PPP1R9A: variants seen among roughly 807,000 people sequenced by gnomAD.
PPP1R9A encodes protein phosphatase 1 regulatory subunit 9A.
PPP1R9A carries 59 observed loss-of-function variants against 141.9 expected under a neutral mutation model. The observed-to-expected ratio is 0.42, with a 90% confidence interval of 0.34 to 0.52. The LOEUF is 0.52. Ranked by LOEUF, PPP1R9A falls within the 20% of genes least tolerant of loss-of-function variation. The pLI, the probability that PPP1R9A is intolerant of heterozygous loss-of-function variation, is 0.10. For missense variants in PPP1R9A, 1,444 were observed against 1,611.9 expected, an observed-to-expected ratio of 0.90 and a Z score of 1.78; for synonymous variants, 500 against 569.7, an observed-to-expected ratio of 0.88 and a Z score of 1.74.
rs1419560027 is a variant in PPP1R9A, at chr7:95,284,098, CT to C, written c.3380del (p.Phe1127SerfsTer31). The C allele has an allele frequency of 1.3e-6, 2 of 1,595,140 alleles. No homozygotes were observed. Among genetic ancestry groups the C allele is most frequent in the Non-Finnish European group, 1.7e-6 (2 of 1,175,994 alleles). On this transcript the variant is annotated frameshift_variant, in exon 17 of 20. Transcript: ENST00000433360. LOFTEE classifies it high-confidence loss of function. Reference protein sequence around the residue: ...AQTSTRSPCMPFSWFNDSRKG... With the variant: ...AQTSTRSPCMXFSWFNDSRKG... The stretch of plus-strand genomic sequence containing the variant: ...ACCTCCACTCGTTCCCCTTGCATGC[CT>C]TTCTCATGGTTTAATGACAGCCGGA...
At chr7:95,013,766 T>A (rs951509753) in intron 2 of PPP1R9A, among the ~76,000 whole-genome samples, 2 of 152,258 alleles carry the variant, frequency 1.3e-5, no homozygotes, top group Non-Finnish European at 2.9e-5. Flanking sequence ...AAGGTAGAAG[T>A]GATTTAAAAA....
At chr7:95,168,039 A>C (rs970241524) in intron 5 of PPP1R9A, among the ~76,000 whole-genome samples, 4 of 152,146 alleles carry the variant, frequency 2.6e-5, no homozygotes, top group Non-Finnish European at 5.9e-5. Flanking sequence ...GAAATAGAAA[A>C]AAGATCCTAA....
At chr7:95,144,775 A>C (rs887187776) in intron 4 of PPP1R9A, among the ~76,000 whole-genome samples, 15 of 152,214 alleles carry the variant, frequency 9.9e-5, no homozygotes, top group African/African-American at 3.6e-4. Context: ...CCAGACGGGA[A>C]GGGAAGAAGG....
chr7:94,982,307 T>C (rs944749283), intron 2 of PPP1R9A, among the ~76,000 whole-genome samples: 3 of 152,134 alleles, frequency 2.0e-5, no homozygotes, highest in African/African-American at 7.2e-5. Flanking sequence ...GTCTTTATAG[T>C]AGTATGATTT....
intron 2 of PPP1R9A, among the ~76,000 whole-genome samples, chr7:95,073,748 G>GT (rs1554493742): frequency 7.1e-6 from 1 of 140,208 alleles, no homozygotes; most frequent in Non-Finnish European, 1.5e-5. Context: ...AATAAATACT[G>GT]TTTTTTTGCT....
chr7:95,232,117 C>T (rs1444659992), intron 8 of PPP1R9A, among the ~76,000 whole-genome samples: 1 of 152,010 alleles, frequency 6.6e-6, no homozygotes, highest in African/African-American at 2.4e-5. Context: ...AAAACCTTTA[C>T]ACGCATAAAC....
chr7:94,912,999 G>A (rs1053392590), intron 2 of PPP1R9A, among the ~76,000 whole-genome samples: 26 of 151,970 alleles, frequency 1.7e-4, no homozygotes, highest in Non-Finnish European at 3.4e-4. Flanking sequence ...CATCCCCCTT[G>A]AACATCATCT....
At chr7:95,282,398 C>T (rs531677761) in intron 16 of PPP1R9A, among the ~76,000 whole-genome samples, 1 of 152,268 alleles carries the variant, frequency 6.6e-6, no homozygotes, top group African/African-American at 2.4e-5. Flanking sequence ...AGATTGACCT[C>T]TGCAGAGGTA....
At chr7:95,242,085 C>T (rs1282519180) in intron 8 of PPP1R9A, among the ~76,000 whole-genome samples, 4 of 152,132 alleles carry the variant, frequency 2.6e-5, no homozygotes, top group African/African-American at 9.7e-5. Flanking sequence ...CTAAGTAAAA[C>T]ACTTTCGTTA....
chr7:95,025,835 CT>C (rs35630789), intron 2 of PPP1R9A, among the ~76,000 whole-genome samples: 91,853 of 151,832 alleles, frequency 0.6, 28,680 homozygotes, highest in African/African-American at 0.74. Flanking sequence ...TCTTCAATCT[CT>C]TGATACCCTT....
chr7:94,933,094 C>T (rs1476226930), intron 2 of PPP1R9A, among the ~76,000 whole-genome samples: 2 of 151,734 alleles, frequency 1.3e-5, no homozygotes, highest in Non-Finnish European at 2.9e-5. Flanking sequence ...TATATATACA[C>T]AGCATATTTA....
intron 2 of PPP1R9A, among the ~76,000 whole-genome samples, chr7:95,007,245 G>C (rs1024321523): frequency 6.6e-6 from 1 of 152,114 alleles, no homozygotes; most frequent in African/African-American, 2.4e-5. Context: ...AATTATTCTA[G>C]GGAGATATTT....
rs986197878 is a variant in PPP1R9A at position 95,296,055 on chromosome 7, T to C, written c.*5752T>C. The C allele has an allele frequency of 7.2e-5, 11 of 152,806 alleles. No individual in the cohort carries two copies. The East Asian group carries it at 1.9e-3, about 27-fold the overall frequency. The allele number at this position is 152,806 out of a possible 1,614,324, so 9.5% of individuals were successfully genotyped here. Reference sequence around the variant, plus strand: ...ATATCAGTAAAGAACACGAATTGTTTGAAAATAATTTTAAGTCTGATAAGT... The same window carrying C: ...ATATCAGTAAAGAACACGAATTGTTCGAAAATAATTTTAAGTCTGATAAGT... On this transcript the variant is annotated 3_prime_UTR_variant, in exon 20 of 20. Transcript: ENST00000433360.
At chr7:94,969,254 T>C (rs1348034505) in intron 2 of PPP1R9A, among the ~76,000 whole-genome samples, 5 of 152,180 alleles carry the variant, frequency 3.3e-5, no homozygotes, top group African/African-American at 9.7e-5. Context: ...TCAGCCTTTT[T>C]GTGCTGGTTT....
At chr7:95,030,654 A>C (rs1425506249) in intron 2 of PPP1R9A, among the ~76,000 whole-genome samples, 1 of 152,152 alleles carries the variant, frequency 6.6e-6, no homozygotes, top group Non-Finnish European at 1.5e-5. Flanking sequence ...AAGAAAAAAG[A>C]GGTGGTAACC....
At chr7:95,189,334 C>T (rs555787760) in intron 5 of PPP1R9A, among the ~76,000 whole-genome samples, 1 of 151,696 alleles carries the variant, frequency 6.6e-6, no homozygotes, top group Non-Finnish European at 1.5e-5. Context: ...GTTCTTTGAG[C>T]CTCATTGTAT....
At chr7:95,192,047 A>G (rs958304192) in intron 5 of PPP1R9A, among the ~76,000 whole-genome samples, 3 of 152,060 alleles carry the variant, frequency 2.0e-5, no homozygotes, top group African/African-American at 7.2e-5. Flanking sequence ...AAGTGATTAT[A>G]TAGATTTATA....
chr7:95,106,033 T>A (rs1819461480), intron 2 of PPP1R9A, among the ~76,000 whole-genome samples: 1 of 152,064 alleles, frequency 6.6e-6, no homozygotes, highest in African/African-American at 2.4e-5. Flanking sequence ...GGTGGAAGGA[T>A]CGTTTGAGGC....
intron 2 of PPP1R9A, among the ~76,000 whole-genome samples, chr7:95,003,654 G>A (rs1218833809): frequency 6.6e-6 from 1 of 152,100 alleles, no homozygotes; most frequent in African/African-American, 2.4e-5. Flanking sequence ...CTATAATGCT[G>A]GTTCTCAACC....
Sources: gnomAD v4.1 joint callset for allele counts (sites outside exome capture counted in the v4.1 genomes callset) on GRCh38, gnomAD v4.1.1 for gene constraint, MANE v1.5 for transcripts, NCBI Gene and HGNC (gene_info 2026-07-23, HGNC 2026-07-21) for gene names.